The following CACNA1B variants were observed in gnomAD, a reference collection of about 807,000 sequenced individuals.
CACNA1B encodes calcium voltage-gated channel subunit alpha1 B.
A neutral mutation model predicts 247.2 loss-of-function variants in CACNA1B; 70 were observed. That is an observed-to-expected ratio of 0.28 (90% CI 0.23 to 0.35). The LOEUF (loss-of-function observed/expected upper bound fraction) is 0.35, where lower values mean the gene tolerates loss of function less well. Among genes scored for constraint, CACNA1B ranks in the 10% least tolerant of loss-of-function variants. The pLI is 1.00. For missense variants in CACNA1B, 2,367 were observed against 3,197.4 expected, an observed-to-expected ratio of 0.74 and a Z score of 6.26; for synonymous variants, 1,231 against 1,294.4, an observed-to-expected ratio of 0.95 and a Z score of 1.05.
At chr9:137,918,678 A>C (rs953595987) in intron 6 of CACNA1B, among the ~76,000 whole-genome samples, 9 of 152,088 alleles carry the variant, frequency 5.9e-5, no homozygotes, top group African/African-American at 2.2e-4. Flanking sequence ...CTGGGGAGAG[A>C]CTGGGGCCCT....
rs746870273 is a variant in CACNA1B at position 137,986,747 on chromosome 9, G to C, written c.1902-35G>C. On this transcript the variant is annotated intron_variant, in intron 14 of 46. Coordinates refer to ENST00000371372, the MANE Select transcript of CACNA1B (RefSeq NM_000718.4). The surrounding 1 kb of genome is among the most constrained non-coding windows in gnomAD (Gnocchi z 6.0). ...GCAGGCGCTGCCTCGCTGCTGACGG[G>C]ACTGCCACTTCCCAAGCCTTCCTGT... 6.4e-7 allele frequency: 1 copy of C among 1,569,460 alleles called. No homozygotes were observed. The highest frequency in any genetic ancestry group is 1.4e-5 in the African/African-American group (1 of 73,948).
chr9:137,993,859 C>G (rs1958464764), intron 15 of CACNA1B, among the ~76,000 whole-genome samples: 1 of 152,146 alleles, frequency 6.6e-6, no homozygotes. Context: ...AAGCCAATAT[C>G]ACCCTAATAC....
chr9:138,015,173 C>T (rs879598041), intron 18 of CACNA1B, among the ~76,000 whole-genome samples: 3 of 152,154 alleles, frequency 2.0e-5, no homozygotes, highest in Non-Finnish European at 4.4e-5. Context: ...AAGGGGCAGC[C>T]GGCCCAAGCC....
chr9:138,059,597 C>T lies in CACNA1B; in HGVS notation c.4585-57C>T. On this transcript the variant is annotated intron_variant, in intron 30 of 46. Coordinates refer to ENST00000371372, the MANE Select transcript of CACNA1B (RefSeq NM_000718.4). The surrounding 1 kb of genome is among the most constrained non-coding windows in gnomAD (Gnocchi z 4.2). Reference sequence around the variant, plus strand: ...TCAGGGCCACCACCTATATATACCTCTTTGCCAACAGAGCCCTCATCAGCC... The same window carrying T: ...TCAGGGCCACCACCTATATATACCTTTTTGCCAACAGAGCCCTCATCAGCC... 9.9e-7 allele frequency: 1 copy of T among 1,014,700 alleles called. No individual in the cohort carries two copies. Among genetic ancestry groups the T allele is most frequent in the African/African-American group, 1.6e-5 (1 of 63,428 alleles). 62.9% of individuals were successfully genotyped at this position (1,014,700 alleles called of 1,614,324 possible). A position where few individuals can be genotyped will look rare whatever the true frequency, so the allele number is the denominator to read the frequency against.
intron 20 of CACNA1B, among the ~76,000 whole-genome samples, chr9:138,026,121 GAC>G (rs1958918135): frequency 6.6e-6 from 1 of 152,210 alleles, no homozygotes; most frequent in African/African-American, 2.4e-5. Context: ...CAGATCTCCA[GAC>G]ACACACATGT....
chr9:138,120,070 C>T, intron 44 of CACNA1B, 95 bp from the exon 45 acceptor site: 1 of 1,055,708 alleles, frequency 9.5e-7, no homozygotes, highest in South Asian at 1.5e-5. Context: ...GCGTGTGGGC[C>T]TGCTGTCTGG....
chr9:137,966,353 TAGCTGGGACTAC>T (rs2133358076), intron 10 of CACNA1B, among the ~76,000 whole-genome samples: 1 of 149,888 alleles, frequency 6.7e-6, no homozygotes, highest in East Asian at 2.0e-4. Flanking sequence ...GCCTCCTGAG[TAGCTGGGACTAC>T]AGGCACCTAC....
At chr9:137,939,672 A>G (rs915748699) in intron 6 of CACNA1B, among the ~76,000 whole-genome samples, 1 of 151,774 alleles carries the variant, frequency 6.6e-6, no homozygotes, top group African/African-American at 2.4e-5. Flanking sequence ...GCATGGTGGC[A>G]GGCACCTGTA....
At position 137,882,170 on chromosome 9, in the gene CACNA1B, C is replaced by T. The variant is rs1013855410; in HGVS notation, c.391-574C>T. On this transcript the variant is annotated intron_variant, in intron 2 of 46. Transcript: ENST00000371372. The surrounding 1 kb of genome is among the most constrained non-coding windows in gnomAD (Gnocchi z 4.0). ...GTTGAATGCATAAACGGGGCCTGGA[C>T]TGAGTTCAAGAAAGCCTGAGCTGTA... 1.4e-4 allele frequency among the ~76,000 whole-genome samples: 22 copies of T among 152,296 alleles called. No homozygotes were observed. The highest frequency in any genetic ancestry group is 5.1e-4 in the African/African-American group (21 of 41,552).
At chr9:138,065,195 C>G (rs1959872718) in intron 31 of CACNA1B, among the ~76,000 whole-genome samples, 1 of 152,178 alleles carries the variant, frequency 6.6e-6, no homozygotes, top group Non-Finnish European at 1.5e-5. Flanking sequence ...TGCCTGTCTT[C>G]CAGCCATCCT....
At chr9:138,042,607 T>C (rs1379498058) in intron 20 of CACNA1B, among the ~76,000 whole-genome samples, 1 of 152,230 alleles carries the variant, frequency 6.6e-6, no homozygotes, top group Non-Finnish European at 1.5e-5. Flanking sequence ...TCAGATTACA[T>C]AATTTTTGTT....
rs753140855 is a variant in CACNA1B, at chr9:138,120,268, G to A, written c.6134G>A (p.Ser2045Asn). 4.4e-6 allele frequency: 7 copies of A among 1,593,820 alleles called. No individual in the cohort carries two copies. The Admixed American group carries it at 1.0e-4, about 23-fold the overall frequency. ...CSTTPDRPPP[S>N]QASSHHHHHR... ...ACCACCCCGGACCGCCCACCCCCTA[G>A]CCAGGCGTCGTCGCACCACCACCAC... is the stretch of plus-strand genomic sequence containing the variant. Residue 2045 changes from serine (S) to asparagine (N), a missense_variant, in exon 45 of 47, where the codon AGC (serine) becomes AAC (asparagine). Around this residue, in one of 12 missense-constraint regions of CACNA1B, gnomAD observed 773 missense variants for 779.4 expected, o/e 0.99. Transcript: ENST00000371372.
intron 20 of CACNA1B, among the ~76,000 whole-genome samples, chr9:138,030,717 A>G (rs1467639339): frequency 1.3e-5 from 2 of 152,098 alleles, no homozygotes; most frequent in African/African-American, 4.8e-5. Flanking sequence ...CTTTTTTGGA[A>G]TTTTTAAATT....
At chr9:138,056,862 T>C (rs952507576) in intron 26 of CACNA1B, among the ~76,000 whole-genome samples, 9 of 152,152 alleles carry the variant, frequency 5.9e-5, no homozygotes, top group Non-Finnish European at 5.9e-5. Flanking sequence ...GCGTTTCATG[T>C]GCTTAATAGC....
intron 9 of CACNA1B, 138 bp downstream of exon 9, chr9:137,956,965 A>G: frequency 1.5e-6 from 1 of 688,972 alleles, no homozygotes; most frequent in South Asian, 1.7e-5. Flanking sequence ...ACATGAACAC[A>G]GACTAGGGCC....
At chr9:138,037,361 G>A (rs1034430348) in intron 20 of CACNA1B, among the ~76,000 whole-genome samples, 5 of 152,118 alleles carry the variant, frequency 3.3e-5, no homozygotes, top group Admixed American at 6.6e-5. Flanking sequence ...TCTAGAGACC[G>A]TTGTGAAAGA....
Position 137,974,402 on chromosome 9 carries a change from C to G in CACNA1B, c.1544-1505C>G, listed in dbSNP as rs1177123003. ...TGCCTGGTGATTTTCTGGCTGGTGTCAGAGGCCAGGCTTGCTACAGGTGAC... is the reference window on the plus strand; with the variant it reads ...TGCCTGGTGATTTTCTGGCTGGTGTGAGAGGCCAGGCTTGCTACAGGTGAC... On this transcript the variant is annotated intron_variant, in intron 11 of 46. Coordinates refer to ENST00000371372, the MANE Select transcript of CACNA1B (RefSeq NM_000718.4). This position sits in a 1 kb window ranked among gnomAD's most constrained non-coding sequence, Gnocchi z 4.5. Among the ~76,000 whole-genome samples the G allele has an allele frequency of 1.3e-5, 2 of 152,156 alleles. No individual in the cohort carries two copies. The highest frequency in any genetic ancestry group is 3.2e-3 in the Middle Eastern group (1 of 316).
chr9:137,993,009 C>A (rs1958451166), intron 15 of CACNA1B, among the ~76,000 whole-genome samples: 1 of 152,122 alleles, frequency 6.6e-6, no homozygotes, highest in Non-Finnish European at 1.5e-5. Context: ...CACAACCTAT[C>A]AAAACCTCTG....
Position 138,081,788 on chromosome 9 carries a change from A to G in CACNA1B, c.5094+3530A>G, listed in dbSNP as rs568965073. On this transcript the variant is annotated intron_variant, in intron 36 of 46. Coordinates refer to ENST00000371372, the MANE Select transcript of CACNA1B (RefSeq NM_000718.4). Reference sequence around the variant, plus strand: ...GCTTTTGAAATGGACAAATTCCTAGAAAGACACAAATTATCATAACTGACT... The same window carrying G: ...GCTTTTGAAATGGACAAATTCCTAGGAAGACACAAATTATCATAACTGACT... Among the ~76,000 whole-genome samples the G allele has an allele frequency of 1.1e-4, 17 of 151,264 alleles. No homozygotes were observed. In the South Asian group the frequency reaches 3.5e-3, roughly 31 times the overall value.
Sources: allele counts gnomAD v4.1 joint callset (sites outside exome capture counted in the v4.1 genomes callset), GRCh38; gene constraint gnomAD v4.1.1; regional missense constraint gnomAD v4.1.1; non-coding constraint Gnocchi (gnomAD v3.1); transcripts MANE v1.5; gene names NCBI Gene and HGNC (gene_info 2026-07-23, HGNC 2026-07-21).